Variants in MROH1 observed in about 807,000 individuals in gnomAD.
MROH1 encodes the protein maestro heat-like repeat-containing protein family member 1.
MROH1 carries 117 observed loss-of-function variants against 116.5 expected under a neutral mutation model. The observed-to-expected ratio is 1.00, with a 90% confidence interval of 0.86 to 1.17. The LOEUF is 1.17. Among genes scored for constraint, MROH1 ranks in the 50% most tolerant of loss-of-function variants. The probability of loss-of-function intolerance (pLI) is 0.00; values close to 1 mark genes in which losing one functional copy is unlikely to be tolerated. For missense variants in MROH1, 1,873 were observed against 1,338.5 expected (o/e 1.40, Z -6.23); for synonymous variants, 921 against 583.9 (o/e 1.58, Z -8.32).
intron 29 of MROH1, among the ~76,000 whole-genome samples, chr8:144,247,097 G>A (rs1842048095): frequency 7.4e-6 from 1 of 135,680 alleles, no homozygotes; most frequent in African/African-American, 2.8e-5. Flanking sequence ...GGTGTGGTCA[G>A]AGCTGAGCTG....
chr8:144,260,247 A>G lies in MROH1; in HGVS notation c.4253A>G (p.Asn1418Ser), dbSNP rs1013615670. ...AMIGGLDDGDNPHSPVALEAM... is the reference protein window; with the variant it reads ...AMIGGLDDGDSPHSPVALEAM... Reference sequence around the variant, plus strand: ...ATTGGCGGGCTGGACGACGGGGACAACCCTCACAGCCCAGTGGCCCTGGAG... The same window carrying G: ...ATTGGCGGGCTGGACGACGGGGACAGCCCTCACAGCCCAGTGGCCCTGGAG... The change falls in exon 39 of 44, where the codon AAC becomes AGC. Residue 1418 changes from asparagine (N) to serine (S), a missense_variant. By Grantham distance (46) the Asn-to-Ser change is conservative. Transcript: ENST00000326134. The G allele has an allele frequency of 1.0e-5, 8 of 766,112 alleles. No homozygotes were observed. The highest frequency in any genetic ancestry group is 1.7e-5 in the African/African-American group (1 of 59,054). 47.5% of individuals were successfully genotyped at this position (766,112 alleles called of 1,614,324 possible).
intron 12 of MROH1, among the ~76,000 whole-genome samples, chr8:144,206,632 A>G (rs1832869475): frequency 6.6e-6 from 1 of 151,154 alleles, no homozygotes; most frequent in African/African-American, 2.4e-5. Flanking sequence ...CATGTTGGCC[A>G]GGCTGGTCTC....
chr8:144,175,502 A>G (rs1003913588), intron 4 of MROH1: 1 of 985,420 alleles, frequency 1.0e-6, no homozygotes. Flanking sequence ...CCTGCACTAT[A>G]CCGGCCGTGC....
rs1292250228 is a variant in MROH1 at position 144,231,113 on chromosome 8, A to C, written c.1339-7643A>C. 5.5e-5 allele frequency among the ~76,000 whole-genome samples: 8 copies of C among 146,526 alleles called. No individual in the cohort carries two copies. The South Asian group carries it at 6.7e-4, about 12-fold the overall frequency. On this transcript the variant is annotated intron_variant, in intron 14 of 43. Transcript: ENST00000326134. ...GGACACAGCACATGTTTCAGAGAGC[A>C]CAGGGTTGGGGGTAAGGTCACAGAT...
chr8:144,224,336 C>T (rs1837384422), intron 14 of MROH1, among the ~76,000 whole-genome samples: 1 of 152,142 alleles, frequency 6.6e-6, no homozygotes, highest in Non-Finnish European at 1.5e-5. Context: ...TTGGCGAGAT[C>T]ACAGCTCACT....
At chr8:144,185,980 C>T (rs1827055256) in intron 7 of MROH1, among the ~76,000 whole-genome samples, 3 of 152,064 alleles carry the variant, frequency 2.0e-5, no homozygotes, top group Admixed American at 2.0e-4. Context: ...CCCAGTGCAG[C>T]CACCTCTGAA....
chr8:144,257,794 G>A lies in MROH1; in HGVS notation c.3792-983G>A, dbSNP rs1044834335. Among the ~76,000 whole-genome samples, 59 of 152,380 alleles carry A rather than the reference G, an allele frequency of 3.9e-4. No homozygotes were observed. The East Asian group carries it at 8.9e-3, about 23-fold the overall frequency. The stretch of plus-strand genomic sequence containing the variant: ...CAGCGGTCACCACACGGCCCGTGCC[G>A]CTCGGGGGTTGTCTGCTTTTGGGCC... On this transcript the variant is annotated intron_variant, in intron 35 of 43. Coordinates refer to ENST00000326134, the MANE Select transcript of MROH1 (RefSeq NM_032450.3).
At chr8:144,258,974 C>G in intron 36 of MROH1, 60 bp downstream of exon 36, 3 of 676,112 alleles carry the variant, frequency 4.4e-6, no homozygotes, top group Non-Finnish European at 8.2e-6. Flanking sequence ...GATCTCGAGC[C>G]CAGAACATGA....
In MROH1 at chr8:144,245,234, T is replaced by G; in HGVS notation, c.2845T>G (p.Tyr949Asp). The change falls in exon 29 of 44, where the codon TAC becomes GAC. Residue 949 changes from tyrosine (Y) to aspartate (D), a missense_variant. Coordinates refer to ENST00000326134, the MANE Select transcript of MROH1 (RefSeq NM_032450.3). ...ALGLSALLLR[Y>D]FLEHLRVSAL... ...GGGCCTGAGCGCCCTCCTGCTGCGCTACTTCCTGGAGCACCTGCGTGTCAG... is the reference window on the plus strand; with the variant it reads ...GGGCCTGAGCGCCCTCCTGCTGCGCGACTTCCTGGAGCACCTGCGTGTCAG... The G allele has an allele frequency of 1.3e-6, 1 of 778,920 alleles. No individual in the cohort carries two copies. Among genetic ancestry groups the G allele is most frequent in the Non-Finnish European group, 2.4e-6 (1 of 417,784 alleles). 48.3% of individuals were successfully genotyped at this position (778,920 alleles called of 1,614,324 possible).
Position 144,245,284 on chromosome 8 carries a change from G to A in MROH1, c.2871+24G>A, listed in dbSNP as rs916599734. On this transcript the variant is annotated intron_variant, in intron 29 of 43. Coordinates refer to ENST00000326134, the MANE Select transcript of MROH1 (RefSeq NM_032450.3). ...GCGTGAGTACCTGGGTCCCTGGCCC[G>A]GGTGCTGCTGCCTGTGTTACTCATG... is the stretch of plus-strand genomic sequence containing the variant. The A allele has an allele frequency of 2.0e-4, 151 of 773,328 alleles. No homozygotes were observed. The African/African-American group carries it at 2.2e-3, about 11-fold the overall frequency. 47.9% of individuals were successfully genotyped at this position (773,328 alleles called of 1,614,324 possible).
At chr8:144,174,479 CT>C (rs200035855) in intron 4 of MROH1, among the ~76,000 whole-genome samples, 2 of 147,288 alleles carry the variant, frequency 1.4e-5, no homozygotes, top group Admixed American at 6.8e-5. Flanking sequence ...AATACATAAC[CT>C]TTTTTTTTTT....
At chr8:144,198,267 CAG>C (rs1220362883) in intron 10 of MROH1, among the ~76,000 whole-genome samples, 3 of 152,122 alleles carry the variant, frequency 2.0e-5, no homozygotes, top group African/African-American at 7.2e-5. Flanking sequence ...GCTCTTTGTG[CAG>C]AGAGACCCTG....
At chr8:144,225,854 G>A (rs1260728917) in intron 14 of MROH1, among the ~76,000 whole-genome samples, 2 of 142,676 alleles carry the variant, frequency 1.4e-5, no homozygotes, top group African/African-American at 2.6e-5. Flanking sequence ...GCCACTGCAC[G>A]TGGCCTAAAA....
At chr8:144,245,027 C>T (rs1841654021) in intron 28 of MROH1, 129 bp from the exon 29 acceptor site, 3 of 725,112 alleles carry the variant, frequency 4.1e-6, no homozygotes, top group Middle Eastern at 3.7e-4. Flanking sequence ...ACTCTGGGTC[C>T]CCGGCTTGGC....
intron 7 of MROH1, among the ~76,000 whole-genome samples, chr8:144,183,637 T>C (rs1826222933): frequency 1.3e-5 from 2 of 150,532 alleles, no homozygotes; most frequent in Non-Finnish European, 3.0e-5. Context: ...AGGCCTTTCT[T>C]CTTCTTTTTT....
At chr8:144,159,353 C>T (rs995190356) in intron 1 of MROH1, among the ~76,000 whole-genome samples, 1 of 152,018 alleles carries the variant, frequency 6.6e-6, no homozygotes, top group African/African-American at 2.4e-5. Flanking sequence ...AGCGAAACTC[C>T]GTGTCAAAAA....
chr8:144,170,564 G>A (rs1022614996), intron 4 of MROH1, among the ~76,000 whole-genome samples: 4 of 152,200 alleles, frequency 2.6e-5, no homozygotes, highest in Admixed American at 2.6e-4. Flanking sequence ...CTAGATAGCA[G>A]GCATGGTTCA....
At chr8:144,200,732 C>T (rs760552010) in intron 12 of MROH1, 191 bp downstream of exon 12, 32 of 578,004 alleles carry the variant, frequency 5.5e-5, no homozygotes, top group Non-Finnish European at 9.7e-5. Context: ...TTCTACCCTT[C>T]GCCATATGAT....
intron 14 of MROH1, among the ~76,000 whole-genome samples, chr8:144,224,946 C>A (rs886683168): frequency 2.6e-5 from 4 of 152,220 alleles, no homozygotes; most frequent in Middle Eastern, 3.4e-3. Flanking sequence ...TTTGGAGAAA[C>A]ATGAGTTAAA....
Sources: gnomAD v4.1 joint callset for allele counts (sites outside exome capture counted in the v4.1 genomes callset) on GRCh38, gnomAD v4.1.1 for gene constraint, MANE v1.5 for transcripts, NCBI Gene and HGNC (gene_info 2026-07-23, HGNC 2026-07-21) for gene names.